AP2B1: variants seen among roughly 807,000 people sequenced by gnomAD.
AP2B1 encodes the protein adaptor related protein complex 2 subunit beta 1.
Under a neutral mutation model 102.0 loss-of-function variants are expected in AP2B1, and 23 were observed. The observed-to-expected ratio is 0.23, with a 90% confidence interval of 0.16 to 0.32. The LOEUF is 0.32. Ranked by LOEUF, AP2B1 falls within the 10% of genes least tolerant of loss-of-function variation. The pLI, the probability that AP2B1 is intolerant of heterozygous loss-of-function variation, is 1.00. For missense variants in AP2B1, 541 were observed against 1,157.4 expected (o/e 0.47, Z 7.73); for synonymous variants, 381 against 421.2 (o/e 0.90, Z 1.17).
chr17:35,707,419 G>C (rs1189182495), intron 18 of AP2B1, among the ~76,000 whole-genome samples: 3 of 151,198 alleles, frequency 2.0e-5, no homozygotes, highest in Non-Finnish European at 2.9e-5. Context: ...CCAAAGTGCT[G>C]GGATTACAGG....
At chr17:35,633,137 C>T (rs1299311725) in intron 9 of AP2B1, among the ~76,000 whole-genome samples, 3 of 151,886 alleles carry the variant, frequency 2.0e-5, no homozygotes, top group Non-Finnish European at 2.9e-5. Context: ...CCGAGTTGGG[C>T]GGATCATGAG....
rs587768087 is a variant in AP2B1, at chr17:35,725,162, C to T, written c.*1463C>T. The stretch of plus-strand genomic sequence containing the variant: ...TGGGGGATATGAAATCTTCCCCCTA[C>T]CCCACTTAATGCGTTGGATATGATT... On this transcript the variant is annotated 3_prime_UTR_variant, in exon 22 of 22. Transcript: ENST00000610402. The T allele has an allele frequency of 6.6e-6, 1 of 152,328 alleles. No homozygotes were observed. Among genetic ancestry groups the T allele is most frequent in the Admixed American group, 6.5e-5 (1 of 15,296 alleles). 9.4% of individuals were successfully genotyped at this position (152,328 alleles called of 1,614,324 possible).
At chr17:35,676,590 TTGGAC>T (rs2075706749) in intron 17 of AP2B1, among the ~76,000 whole-genome samples, 1 of 152,196 alleles carries the variant, frequency 6.6e-6, no homozygotes, top group Non-Finnish European at 1.5e-5. Context: ...ACATCTTTGG[TTGGAC>T]ATATGTTTTT....
intron 12 of AP2B1, among the ~76,000 whole-genome samples, chr17:35,644,060 G>A (rs1391669617): frequency 1.3e-5 from 2 of 152,158 alleles, no homozygotes; most frequent in Non-Finnish European, 2.9e-5. Flanking sequence ...TCCTAGAACA[G>A]GACAGGCTAG....
chr17:35,596,921 A>G (rs1440830568), intron 2 of AP2B1: 9 of 707,306 alleles, frequency 1.3e-5, no homozygotes, highest in African/African-American at 1.2e-4. Context: ...GATAACCCCG[A>G]TGCCCTATGC....
intron 5 of AP2B1, among the ~76,000 whole-genome samples, chr17:35,617,213 G>C (rs149471244): frequency 0.11 from 17,142 of 152,110 alleles, 1,075 homozygotes; most frequent in Non-Finnish European, 0.15. Flanking sequence ...ATGCCATCAT[G>C]CCTGGCTAAG....
intron 20 of AP2B1, among the ~76,000 whole-genome samples, chr17:35,716,963 A>T (rs2076562598): frequency 6.6e-6 from 1 of 152,316 alleles, no homozygotes; most frequent in East Asian, 1.9e-4. Context: ...ACTAAACCAT[A>T]GGTGTACCTT....
At chr17:35,589,681 C>G (rs2073022809) in intron 1 of AP2B1, among the ~76,000 whole-genome samples, 1 of 152,158 alleles carries the variant, frequency 6.6e-6, no homozygotes, top group Non-Finnish European at 1.5e-5. Flanking sequence ...ACTCTGGCAG[C>G]TTTGTTGTTT....
chr17:35,600,726 T>G (rs1301332930), intron 3 of AP2B1, among the ~76,000 whole-genome samples: 2 of 152,254 alleles, frequency 1.3e-5, no homozygotes, highest in East Asian at 3.8e-4. Flanking sequence ...GGATTAACTT[T>G]TTAAAAATTT....
At chr17:35,688,050 C>A (rs920837169) in intron 18 of AP2B1, among the ~76,000 whole-genome samples, 1 of 152,204 alleles carries the variant, frequency 6.6e-6, no homozygotes, top group African/African-American at 2.4e-5. Context: ...CTTAAAGTCT[C>A]TTCTAGACTG....
At chr17:35,630,791 G>A (rs1371755793) in intron 9 of AP2B1, among the ~76,000 whole-genome samples, 1 of 152,102 alleles carries the variant, frequency 6.6e-6, no homozygotes, top group Non-Finnish European at 1.5e-5. Context: ...CAGGATGTGA[G>A]GAATGAACTT....
chr17:35,616,525 G>A (rs540735190), intron 5 of AP2B1, among the ~76,000 whole-genome samples: 1 of 152,266 alleles, frequency 6.6e-6, no homozygotes, highest in African/African-American at 2.4e-5. Flanking sequence ...TACAAAGACA[G>A]TACAGAAAGT....
At chr17:35,630,214 A>G (rs1490892186) in intron 9 of AP2B1, among the ~76,000 whole-genome samples, 1 of 152,220 alleles carries the variant, frequency 6.6e-6, no homozygotes, top group Non-Finnish European at 1.5e-5. Context: ...TTTAATAGAA[A>G]GGCTGTTAAC....
chr17:35,609,884 C>T (rs1217561034), intron 5 of AP2B1, among the ~76,000 whole-genome samples: 1 of 152,174 alleles, frequency 6.6e-6, no homozygotes, highest in Non-Finnish European at 1.5e-5. Flanking sequence ...TTTTATTTTA[C>T]AGGTAGCCTT....
chr17:35,613,734 G>A (rs559470479), intron 5 of AP2B1, among the ~76,000 whole-genome samples: 2 of 152,274 alleles, frequency 1.3e-5, no homozygotes, highest in South Asian at 4.1e-4. Context: ...TTATGAAGTA[G>A]GTATTAGGCA....
chr17:35,604,672 T>G (rs547933856), intron 3 of AP2B1, among the ~76,000 whole-genome samples: 6 of 152,090 alleles, frequency 3.9e-5, no homozygotes, highest in Non-Finnish European at 8.8e-5. Flanking sequence ...ACATTAGAAT[T>G]GCTTGAACTG....
intron 20 of AP2B1, chr17:35,713,762 A>G (rs1451111285): frequency 6.6e-6 from 1 of 152,184 alleles, no homozygotes; most frequent in African/African-American, 2.4e-5. Context: ...CCCTCTTCCC[A>G]AGTCTTAATA....
chr17:35,654,596 G>A (rs1396816950), intron 13 of AP2B1, among the ~76,000 whole-genome samples: 5 of 152,074 alleles, frequency 3.3e-5, no homozygotes, highest in African/African-American at 1.2e-4. Context: ...ATCTTTAACA[G>A]ATAAAGACTT....
At chr17:35,649,223 A>G (rs745427109) in intron 12 of AP2B1, among the ~76,000 whole-genome samples, 8 of 152,178 alleles carry the variant, frequency 5.3e-5, no homozygotes, top group Admixed American at 6.5e-5. Context: ...TATGGAAGAT[A>G]TAATATATGT....
Sources: gnomAD v4.1 joint callset for allele counts (sites outside exome capture counted in the v4.1 genomes callset) on GRCh38, gnomAD v4.1.1 for gene constraint, MANE v1.5 for transcripts, NCBI Gene and HGNC (gene_info 2026-07-23, HGNC 2026-07-21) for gene names.